Variants in RBFOX1 observed in about 807,000 individuals in gnomAD.
RBFOX1 encodes RNA binding protein fox-1 homolog 1.
In RBFOX1, 8 loss-of-function variants were observed where a neutral mutation model predicts 57.7. The observed-to-expected ratio is 0.14, with a 90% CI of 0.08 to 0.25. The LOEUF is 0.25. RBFOX1 is among the 10% of genes least tolerant of loss of function. RBFOX1 has a pLI of 1.00. For missense variants in RBFOX1, 611 were observed against 548.5 expected (o/e 1.11, Z -1.14); for synonymous variants, 326 against 222.4 (o/e 1.47, Z -4.15).
chr16:6,638,580 G>T (rs748948137), intron 2 of RBFOX1, among the ~76,000 whole-genome samples: 2 of 152,164 alleles, frequency 1.3e-5, no homozygotes, highest in African/African-American at 4.8e-5. Flanking sequence ...ATGGCTATCG[G>T]TATGTTCTTT....
At chr16:6,126,699 GTTCT>G (rs1327160504) in intron 1 of RBFOX1, among the ~76,000 whole-genome samples, 1 of 152,054 alleles carries the variant, frequency 6.6e-6, no homozygotes, top group African/African-American at 2.4e-5. Flanking sequence ...AGCAGGTTTT[GTTCT>G]TTTTTTACAC....
chr16:5,512,908 G>T lies in RBFOX1; in HGVS notation c.258+45654G>T, dbSNP rs554216498. Among the ~76,000 whole-genome samples the T allele has an allele frequency of 7.9e-5, 12 of 152,222 alleles. No individual in the cohort carries two copies. In the East Asian group the frequency reaches 1.5e-3, roughly 20 times the overall value. ...CTTTTAAGGTCCTCTGGACTGTGATGGTTTCTCAGACTTTCCTTGTTTTTT... is the reference window on the plus strand; with the variant it reads ...CTTTTAAGGTCCTCTGGACTGTGATTGTTTCTCAGACTTTCCTTGTTTTTT... On this transcript the variant is annotated intron_variant, in intron 2 of 2. Coordinates refer to the RBFOX1 transcript ENST00000585867.
In RBFOX1 at chr16:6,443,750, TCCATCTAC is replaced by T. The variant is rs538724580; in HGVS notation, c.-64+126713_-64+126720del. ...GTTCATCCAGCCATCTTTCCATCTG[TCCATCTAC>T]CCATCTACCCATCTACCCACAATCT... is the stretch of plus-strand genomic sequence containing the variant. On this transcript the variant is annotated intron_variant, in intron 2 of 15. Coordinates refer to ENST00000550418, the MANE Select transcript of RBFOX1 (RefSeq NM_018723.4). 2.3e-3 allele frequency among the ~76,000 whole-genome samples: 348 copies of T among 151,100 alleles called. 2 individuals carry two copies. The highest frequency in any genetic ancestry group is 7.5e-3 in the South Asian group (36 of 4,820).
intron 2 of RBFOX1, among the ~76,000 whole-genome samples, chr16:6,652,978 T>C (rs2098608954): frequency 6.6e-6 from 1 of 152,158 alleles, no homozygotes; most frequent in Non-Finnish European, 1.5e-5. Flanking sequence ...AGTAAACATC[T>C]CCCTGTGATC....
chr16:5,990,148 G>A lies in RBFOX1; in HGVS notation c.351+122813G>A, dbSNP rs555297407. The stretch of plus-strand genomic sequence containing the variant: ...CTGTAGGCATGTGCCACCGTACCTG[G>A]GTAATTTTTTACCTTTTTTTGTGGA... On this transcript the variant is annotated intron_variant, in intron 4 of 19. Transcript: ENST00000641259. 2.0e-5 allele frequency among the ~76,000 whole-genome samples: 3 copies of A among 152,170 alleles called. No individual in the cohort carries two copies. The South Asian group carries it at 6.2e-4, about 32-fold the overall frequency.
At chr16:7,126,503 C>T (rs1016421884) in intron 4 of RBFOX1, 2 of 225,270 alleles carry the variant, frequency 8.9e-6, no homozygotes, top group African/African-American at 2.3e-5. Context: ...CTGCTGTGGC[C>T]TCTACTATGT....
downstream of RBFOX1, among the ~76,000 whole-genome samples, chr16:5,604,653 T>C (rs1449105939): frequency 1.3e-5 from 2 of 152,216 alleles, no homozygotes; most frequent in Non-Finnish European, 2.9e-5. Context: ...TACATGCTAC[T>C]GATCATGGGG....
chr16:5,292,661 G>A (rs137916090), intron 1 of RBFOX1, among the ~76,000 whole-genome samples: 124 of 151,924 alleles, frequency 8.2e-4, no homozygotes, highest in Non-Finnish European at 1.3e-3. Flanking sequence ...ATCTCTCTCT[G>A]TCACCAGGCT....
chr16:7,056,741 G>A (rs9889068), intron 4 of RBFOX1, among the ~76,000 whole-genome samples: 1 of 151,922 alleles, frequency 6.6e-6, no homozygotes, highest in Non-Finnish European at 1.5e-5. Flanking sequence ...ATGTTGGTTT[G>A]GGGGCTGATT....
chr16:6,290,763 C>T (rs1017778991), intron 1 of RBFOX1, among the ~76,000 whole-genome samples: 2 of 152,054 alleles, frequency 1.3e-5, no homozygotes, highest in Non-Finnish European at 2.9e-5. Context: ...TTGTTATTTC[C>T]ACTTTAAAAT....
At chr16:7,083,604 G>T (rs540556924) in intron 4 of RBFOX1, among the ~76,000 whole-genome samples, 1 of 152,098 alleles carries the variant, frequency 6.6e-6, no homozygotes. Flanking sequence ...TGCTAACTCA[G>T]ATGCACAAGA....
At chr16:5,417,273 T>A (rs935466622) in intron 1 of RBFOX1, among the ~76,000 whole-genome samples, 2 of 152,222 alleles carry the variant, frequency 1.3e-5, no homozygotes, top group Admixed American at 6.5e-5. Context: ...AGGAAATCAA[T>A]GTGTCCGAAC....
intron 3 of RBFOX1, among the ~76,000 whole-genome samples, chr16:6,686,019 A>T (rs575245618): frequency 6.6e-6 from 1 of 152,168 alleles, no homozygotes; most frequent in Admixed American, 6.5e-5. Flanking sequence ...AATACTGCAT[A>T]TTGACAAAAA....
At chr16:6,882,057 T>A (rs1355015803) in intron 3 of RBFOX1, among the ~76,000 whole-genome samples, 2 of 152,172 alleles carry the variant, frequency 1.3e-5, no homozygotes, top group East Asian at 3.8e-4. Flanking sequence ...GTGATGTCAG[T>A]CTTCCTGCTT....
intron 2 of RBFOX1, among the ~76,000 whole-genome samples, chr16:6,497,536 C>A (rs1016932738): frequency 4.6e-5 from 7 of 150,566 alleles, no homozygotes; most frequent in Non-Finnish European, 7.4e-5. Flanking sequence ...CAGTATAAAT[C>A]CTTTACACCG....
intron 4 of RBFOX1, among the ~76,000 whole-genome samples, chr16:7,207,494 C>T (rs9923047): frequency 0.28 from 42,277 of 152,042 alleles, 6,126 homozygotes; most frequent in Non-Finnish European, 0.32. Flanking sequence ...TGGCCCCTAG[C>T]ACAGTGCCTG....
intron 2 of RBFOX1, among the ~76,000 whole-genome samples, chr16:6,365,159 G>C (rs1384377656): frequency 6.6e-6 from 1 of 152,194 alleles, no homozygotes; most frequent in Non-Finnish European, 1.5e-5. Flanking sequence ...CAGAATAGCA[G>C]CTATAAATCT....
chr16:7,286,860 C>T (rs1287091363), intron 4 of RBFOX1, among the ~76,000 whole-genome samples: 1 of 151,730 alleles, frequency 6.6e-6, no homozygotes, highest in Non-Finnish European at 1.5e-5. Flanking sequence ...AACTCCTGAC[C>T]TCAGATGATC....
chr16:5,255,822 G>A (rs111681146), intron 1 of RBFOX1, among the ~76,000 whole-genome samples: 5 of 151,922 alleles, frequency 3.3e-5, no homozygotes, highest in African/African-American at 1.2e-4. Flanking sequence ...TTGAGAACAC[G>A]GTCTCTGGAA....
Sources: allele counts gnomAD v4.1 joint callset (sites outside exome capture counted in the v4.1 genomes callset), GRCh38; gene constraint gnomAD v4.1.1; transcripts MANE v1.5; gene names NCBI Gene and HGNC (gene_info 2026-07-23, HGNC 2026-07-21).